The following SLC24A2 variants were observed in gnomAD, a reference collection of about 807,000 sequenced individuals.
SLC24A2 encodes solute carrier family 24 member 2.
A neutral mutation model predicts 62.0 loss-of-function variants in SLC24A2; 36 were observed. That is an observed-to-expected ratio of 0.58 (90% confidence interval 0.44 to 0.77). SLC24A2 has a LOEUF of 0.77. Among genes scored for constraint, SLC24A2 ranks in the 30% least tolerant of loss-of-function variants. SLC24A2 has a pLI of 0.00. For missense variants in SLC24A2, 846 were observed against 817.9 expected (o/e 1.03, Z -0.42); for synonymous variants, 358 against 294.0 (o/e 1.22, Z -2.23).
At chr9:20,300,408 A>C in the SLC24A2 span, among the ~76,000 whole-genome samples, 1 of 152,202 alleles carries the variant, frequency 6.6e-6, no homozygotes, top group Non-Finnish European at 1.5e-5. Flanking sequence ...GCCTTGTCAA[A>C]GCCCTTCTCA....
chr9:20,108,484 T>G, the SLC24A2 span, among the ~76,000 whole-genome samples: 3 of 152,090 alleles, frequency 2.0e-5, no homozygotes, highest in Non-Finnish European at 2.9e-5. Flanking sequence ...TTAAGAAAAC[T>G]TGGCACATAT....
Position 19,520,989 on chromosome 9 carries a change from A to G in SLC24A2, c.1641T>C (p.Pro547=), listed in dbSNP as rs1254740406. ...LTILAAGTSI[P]DLITSVIVAR... ...CCACTATGACACTGGTGATAAGATCAGGGATGGAGGTCCCAGCAGCCAAGA... is the reference window on the plus strand; with the variant it reads ...CCACTATGACACTGGTGATAAGATCGGGGATGGAGGTCCCAGCAGCCAAGA... The change falls in exon 10 of 11, where the codon CCT becomes CCC. Residue 547 remains proline (P), a synonymous_variant. Coordinates refer to ENST00000341998, the MANE Select transcript of SLC24A2 (RefSeq NM_020344.4). 1 of 1,614,066 alleles carries G rather than the reference A, an allele frequency of 6.2e-7. No homozygotes were observed. Among genetic ancestry groups the G allele is most frequent in the Non-Finnish European group, 8.5e-7 (1 of 1,179,938 alleles).
chr9:19,762,767 G>C (rs974294204), intron 2 of SLC24A2, among the ~76,000 whole-genome samples: 5 of 132,700 alleles, frequency 3.8e-5, no homozygotes, highest in Non-Finnish European at 8.1e-5. Flanking sequence ...TGTTCTTTTT[G>C]CTTAGGATTG....
intron 2 of SLC24A2, among the ~76,000 whole-genome samples, chr9:19,757,413 C>T (rs910876722): frequency 6.6e-4 from 101 of 152,228 alleles, no homozygotes; most frequent in Non-Finnish European, 4.0e-4. Flanking sequence ...AAAGCAGTTT[C>T]TTTTGTTTCT....
chr9:20,098,177 G>A, the SLC24A2 span, among the ~76,000 whole-genome samples: 5 of 152,206 alleles, frequency 3.3e-5, no homozygotes, highest in African/African-American at 1.2e-4. Context: ...CAAAGGAACA[G>A]ATATGACTAA....
At chr9:19,986,707 A>G in the SLC24A2 span, among the ~76,000 whole-genome samples, 2 of 152,182 alleles carry the variant, frequency 1.3e-5, no homozygotes, top group Non-Finnish European at 2.9e-5. Context: ...TACATATTGT[A>G]TGATTCCATT....
At chr9:19,839,875 T>TATACATG in the SLC24A2 span, among the ~76,000 whole-genome samples, 6 of 152,336 alleles carry the variant, frequency 3.9e-5, no homozygotes, top group Admixed American at 2.6e-4. Flanking sequence ...ACAGTATTAA[T>TATACATG]TACAGTAGCA....
At chr9:19,553,859 G>A (rs547247768) in intron 7 of SLC24A2, among the ~76,000 whole-genome samples, 6 of 152,320 alleles carry the variant, frequency 3.9e-5, no homozygotes, top group African/African-American at 4.8e-5. Flanking sequence ...AGGGCTGCTG[G>A]CCGGTTAACG....
chr9:20,271,820 A>G, the SLC24A2 span, among the ~76,000 whole-genome samples: 1 of 152,356 alleles, frequency 6.6e-6, no homozygotes, highest in Non-Finnish European at 1.5e-5. Flanking sequence ...AAAAAAGGAT[A>G]AAGAAATTCA....
chr9:20,266,395 G>C, the SLC24A2 span, among the ~76,000 whole-genome samples: 328 of 152,252 alleles, frequency 2.2e-3, no homozygotes, highest in African/African-American at 7.6e-3. Flanking sequence ...TCGGGGGCAG[G>C]TTCCCCAATA....
At chr9:19,565,940 C>G (rs1314759919) in intron 7 of SLC24A2, among the ~76,000 whole-genome samples, 1 of 150,612 alleles carries the variant, frequency 6.6e-6, no homozygotes, top group Non-Finnish European at 1.5e-5. Context: ...GGATCCCTTC[C>G]TTACACCTTA....
the SLC24A2 span, among the ~76,000 whole-genome samples, chr9:20,292,430 G>A: frequency 5.3e-5 from 8 of 152,124 alleles, no homozygotes; most frequent in Non-Finnish European, 1.2e-4. Flanking sequence ...TCACATATAC[G>A]CCTTCTTAAG....
At chr9:20,304,701 A>G in the SLC24A2 span, among the ~76,000 whole-genome samples, 1 of 152,240 alleles carries the variant, frequency 6.6e-6, no homozygotes, top group Non-Finnish European at 1.5e-5. Context: ...CTGGGTCTCC[A>G]GGAACACAAT....
intron 2 of SLC24A2, among the ~76,000 whole-genome samples, chr9:19,744,610 T>A (rs1455532275): frequency 3.9e-5 from 6 of 152,178 alleles, no homozygotes; most frequent in Non-Finnish European, 7.4e-5. Context: ...GACCCCAAGT[T>A]GTATGATTTT....
At chr9:19,979,088 C>T in the SLC24A2 span, among the ~76,000 whole-genome samples, 2 of 152,270 alleles carry the variant, frequency 1.3e-5, no homozygotes, top group African/African-American at 2.4e-5. Context: ...AAATAACGAG[C>T]CCAGTGAATG....
chr9:19,827,649 C>A, the SLC24A2 span, among the ~76,000 whole-genome samples: 1 of 152,108 alleles, frequency 6.6e-6, no homozygotes, highest in Non-Finnish European at 1.5e-5. Context: ...TTCTACCTCC[C>A]TCCCTCATTC....
intron 7 of SLC24A2, among the ~76,000 whole-genome samples, chr9:19,555,176 A>G (rs1318048893): frequency 4.1e-4 from 62 of 152,124 alleles, no homozygotes; most frequent in South Asian, 8.3e-4. Context: ...TTAAAAAAAA[A>G]ATTATCTTAT....
the SLC24A2 span, among the ~76,000 whole-genome samples, chr9:20,249,730 GAC>G: frequency 2.1e-5 from 3 of 141,472 alleles, no homozygotes; most frequent in Non-Finnish European, 4.5e-5. Context: ...AAAAAAATGA[GAC>G]AGTCTGAAAT....
At chr9:19,949,376 G>A in the SLC24A2 span, among the ~76,000 whole-genome samples, 1 of 152,176 alleles carries the variant, frequency 6.6e-6, no homozygotes, top group African/African-American at 2.4e-5. Flanking sequence ...AGATATGAAG[G>A]AACTCATGTG....
Sources: allele counts gnomAD v4.1 joint callset (sites outside exome capture counted in the v4.1 genomes callset), GRCh38; gene constraint gnomAD v4.1.1; transcripts MANE v1.5; gene names NCBI Gene and HGNC (gene_info 2026-07-23, HGNC 2026-07-21).